The following ZNF454 variants were observed in gnomAD, a reference collection of about 807,000 sequenced individuals.
ZNF454 encodes the protein zinc finger protein 454.
Under a neutral mutation model 48.2 loss-of-function variants are expected in ZNF454, and 30 were observed. The ratio of observed to expected loss-of-function variants is 0.62; its 90% CI spans 0.47 to 0.84. The LOEUF is 0.84. Among genes scored for constraint, ZNF454 ranks in the 40% least tolerant of loss-of-function variants. ZNF454 has a pLI of 0.00. For synonymous variants in ZNF454, 204 were observed against 211.4 expected, an observed-to-expected ratio of 0.97 and a Z score of 0.30; for missense variants, 510 against 623.1, an observed-to-expected ratio of 0.82 and a Z score of 1.93.
In ZNF454 at chr5:178,941,534, G is replaced by C; in HGVS notation, c.-108+90G>C. The stretch of plus-strand genomic sequence containing the variant: ...CGAGTCTGTGAGTGCCTGTGGAGGA[G>C]ATGGAGCCAGGGCCTCTGGCATGTG... On this transcript the variant is annotated intron_variant, in intron 1 of 4. Coordinates refer to ENST00000519564, the MANE Select transcript of ZNF454 (RefSeq NM_001178089.3). This position sits in a 1 kb window ranked among gnomAD's most constrained non-coding sequence, Gnocchi z 5.5. 1 of 456,262 alleles carries C rather than the reference G, an allele frequency of 2.2e-6. No homozygotes were observed. The allele number at this position is 456,262 out of a possible 1,614,324, so 28.3% of individuals were successfully genotyped here.
rs569906002 is a variant in ZNF454 at position 178,946,818 on chromosome 5, G to A, written c.161-79G>A. 1.5e-4 allele frequency: 196 copies of A among 1,333,500 alleles called. 3 individuals carry two copies. The South Asian group carries it at 2.4e-3, about 16-fold the overall frequency. The allele number at this position is 1,333,500 out of a possible 1,614,324, so 82.6% of individuals were successfully genotyped here. On this transcript the variant is annotated intron_variant, in intron 3 of 4. Coordinates refer to ENST00000519564, the MANE Select transcript of ZNF454 (RefSeq NM_001178089.3). This position sits in a 1 kb window ranked among gnomAD's most constrained non-coding sequence, Gnocchi z 4.5. ...GTCCCATTTCCCAGCAAGCTCTGAG[G>A]ACCAGGCTTTGTCTTTGCAGTGATT...
the ZNF454 span, among the ~76,000 whole-genome samples, chr5:178,985,440 C>A: frequency 2.3e-3 from 346 of 151,826 alleles, 1 homozygote; most frequent in African/African-American, 3.5e-3. Flanking sequence ...GCAGCGGCTC[C>A]CGCCTGTCAT....
chr5:178,964,619 G>T, intron 4 of ZNF454, 36 bp from the exon 5 acceptor site: 1 of 1,524,558 alleles, frequency 6.6e-7, no homozygotes, highest in South Asian at 1.2e-5. Context: ...GTTTTGCTAG[G>T]GTAAAACAGA....
the ZNF454 span, chr5:178,980,253 A>G: frequency 6.5e-6 from 1 of 154,416 alleles, no homozygotes. The surrounding 1 kb of genome is among the most constrained non-coding windows in gnomAD (Gnocchi z 4.3). Flanking sequence ...ACAGTGGTCA[A>G]TTTAACAAAT....
the ZNF454 span, chr5:178,989,211 A>AGCCCCCCCCC: frequency 3.3e-5 from 4 of 121,722 alleles, no homozygotes; most frequent in Non-Finnish European, 5.3e-5. Context: ...CCCCCTCCCC[A>AGCCCCCCCCC]CCCTCACCAC....
At chr5:178,968,337 A>G (rs59485557), downstream of ZNF454, among the ~76,000 whole-genome samples, 15,647 of 151,988 alleles carry the variant, frequency 0.1, 1,086 homozygotes, top group African/African-American at 0.2. Context: ...GGAGCACCTC[A>G]CCCCCATGTT....
chr5:178,961,501 A>G (rs1760012358), intron 4 of ZNF454, among the ~76,000 whole-genome samples: 1 of 151,566 alleles, frequency 6.6e-6, no homozygotes, highest in Non-Finnish European at 1.5e-5. Flanking sequence ...AATTAAAATT[A>G]TTGTTACAAT....
At chr5:178,960,070 C>T (rs1759944695) in intron 4 of ZNF454, among the ~76,000 whole-genome samples, 1 of 150,428 alleles carries the variant, frequency 6.6e-6, no homozygotes, top group Non-Finnish European at 1.5e-5. Context: ...CCACCTCAGC[C>T]TCCTGAGTAG....
At chr5:178,968,243 A>AT (rs1760195555), downstream of ZNF454, among the ~76,000 whole-genome samples, 1 of 151,870 alleles carries the variant, frequency 6.6e-6, no homozygotes, top group African/African-American at 2.4e-5. Flanking sequence ...GGCCAAGCAA[A>AT]TTTTTCTGGA....
chr5:178,973,088 C>T, the ZNF454 span, among the ~76,000 whole-genome samples: 2 of 150,618 alleles, frequency 1.3e-5, no homozygotes, highest in East Asian at 1.9e-4. Flanking sequence ...ACCTCCCTCC[C>T]TCCTTCCTTC....
At chr5:178,989,337 A>T in the ZNF454 span, 1 of 1,613,374 alleles carries the variant, frequency 6.2e-7, no homozygotes, top group South Asian at 1.1e-5. Flanking sequence ...TTCTCTTCCC[A>T]GAACTCGGCG....
At chr5:178,942,659 C>A in intron 1 of ZNF454, 26 bp from the exon 2 acceptor site, 1 of 994,750 alleles carries the variant, frequency 1.0e-6, no homozygotes, top group Non-Finnish European at 1.5e-6. Context: ...TGTATGAGAG[C>A]TTTTGACCCA....
intron 4 of ZNF454, among the ~76,000 whole-genome samples, chr5:178,949,776 C>T (rs535876998): frequency 1.6e-4 from 25 of 151,994 alleles, no homozygotes; most frequent in Admixed American, 6.6e-4. Flanking sequence ...ACCACCATGC[C>T]CAGCTAATTT....
Position 178,965,295 on chromosome 5 carries a change from G to T in ZNF454, c.891G>T (p.Glu297Asp). 1.2e-6 allele frequency: 2 copies of T among 1,614,196 alleles called. No individual in the cohort carries two copies. Among genetic ancestry groups the T allele is most frequent in the Admixed American group, 1.7e-5 (1 of 60,028 alleles). ...ATCATCATAGAATACATACTGGAGAGAAACCTTTTAAATGTAACATTTGTG... is the reference window on the plus strand; with the variant it reads ...ATCATCATAGAATACATACTGGAGATAAACCTTTTAAATGTAACATTTGTG... ...LAHHHRIHTG[E>D]KPFKCNICEK... The change falls in exon 5 of 5, where the codon GAG becomes GAT. Residue 297 changes from glutamate (E) to aspartate (D), a missense_variant. Physicochemically the swap from Glu to Asp is conservative, Grantham distance 45 (BLOSUM62 2). This residue lies in a region of ZNF454 where 354 missense variants were observed against 408.9 expected (regional missense o/e 0.87). Transcript: ENST00000519564. The surrounding 1 kb of genome is among the most constrained non-coding windows in gnomAD (Gnocchi z 5.2).
chr5:178,980,125 C>G, the ZNF454 span: 1 of 154,294 alleles, frequency 6.5e-6, no homozygotes, highest in African/African-American at 2.4e-5. This position sits in a 1 kb window ranked among gnomAD's most constrained non-coding sequence, Gnocchi z 4.3. Context: ...GTCCCACGGT[C>G]AAAACCAACT....
chr5:178,971,850 G>GA, the ZNF454 span, among the ~76,000 whole-genome samples: 123,940 of 141,490 alleles, frequency 0.88, 54,858 homozygotes, highest in South Asian at 0.95. Flanking sequence ...GACTCCATCT[G>GA]AAAAAAAAAA....
chr5:178,943,349 G>A (rs189454919), intron 2 of ZNF454, among the ~76,000 whole-genome samples: 1 of 152,118 alleles, frequency 6.6e-6, no homozygotes, highest in Non-Finnish European at 1.5e-5. Flanking sequence ...GAAGTGGGAG[G>A]TCCTAGACTC....
chr5:178,971,491 C>T, the ZNF454 span, among the ~76,000 whole-genome samples: 6 of 152,032 alleles, frequency 3.9e-5, no homozygotes, highest in African/African-American at 1.4e-4. Context: ...GAGAGGAGGC[C>T]TGGCTCTGGC....
chr5:178,975,357 G>C, the ZNF454 span, among the ~76,000 whole-genome samples: 1 of 152,188 alleles, frequency 6.6e-6, no homozygotes, highest in Non-Finnish European at 1.5e-5. Context: ...GAATGAATGT[G>C]ACCACTACAA....
Sources: gnomAD v4.1 joint callset for allele counts (sites outside exome capture counted in the v4.1 genomes callset) on GRCh38, gnomAD v4.1.1 for gene constraint, gnomAD v4.1.1 regional missense constraint, Gnocchi (gnomAD v3.1) non-coding constraint, MANE v1.5 for transcripts, NCBI Gene and HGNC (gene_info 2026-07-23, HGNC 2026-07-21) for gene names.